The following NRF1 variants were observed in gnomAD, a reference collection of about 807,000 sequenced individuals.
The protein encoded by NRF1 is nuclear respiratory factor 1.
Under a neutral mutation model 58.5 loss-of-function variants are expected in NRF1, and 5 were observed. That is an observed-to-expected ratio of 0.09 (90% confidence interval 0.04 to 0.18). NRF1 has a LOEUF of 0.18. Among genes scored for constraint, NRF1 ranks in the 10% least tolerant of loss-of-function variants. The probability of loss-of-function intolerance (pLI) is 1.00; values close to 1 mark genes in which losing one functional copy is unlikely to be tolerated. For synonymous variants in NRF1, 224 were observed against 246.7 expected (o/e 0.91, Z 0.86); for missense variants, 288 against 657.7 (o/e 0.44, Z 6.15).
chr7:129,706,770 C>A (rs1278162685), intron 5 of NRF1, among the ~76,000 whole-genome samples: 2 of 152,082 alleles, frequency 1.3e-5, no homozygotes, highest in Non-Finnish European at 1.5e-5. Context: ...TGACCCAGAA[C>A]TGAGGAGCAT....
At position 129,755,806 on chromosome 7, in the gene NRF1, C is replaced by G. The variant is rs934899344; in HGVS notation, c.*625C>G. 6.6e-6 allele frequency: 1 copy of G among 152,662 alleles called. No homozygotes were observed. Among genetic ancestry groups the G allele is most frequent in the African/African-American group, 2.4e-5 (1 of 41,418 alleles). 9.5% of individuals were successfully genotyped at this position (152,662 alleles called of 1,614,324 possible). Reference sequence around the variant, plus strand: ...CTGGACTCACCTGAGGAAAGAGGCTCCAGCATGGGGTGGGTCAGAGATGTG... The same window carrying G: ...CTGGACTCACCTGAGGAAAGAGGCTGCAGCATGGGGTGGGTCAGAGATGTG... On this transcript the variant is annotated 3_prime_UTR_variant, in exon 11 of 11. Transcript: ENST00000393232. The surrounding 1 kb of genome is among the most constrained non-coding windows in gnomAD (Gnocchi z 5.8).
chr7:129,622,317 A>G (rs75055472), intron 1 of NRF1, among the ~76,000 whole-genome samples: 4,001 of 152,230 alleles, frequency 0.026, 62 homozygotes, highest in Middle Eastern at 0.075. Flanking sequence ...CAAGTTACTT[A>G]TCTTTACTGG....
chr7:129,614,552 A>G (rs1391741109), intron 1 of NRF1, among the ~76,000 whole-genome samples: 1 of 151,642 alleles, frequency 6.6e-6, no homozygotes, highest in African/African-American at 2.4e-5. Context: ...CCTGGGCTCA[A>G]GGAATGCACC....
In NRF1 at chr7:129,618,656, C is replaced by G. The variant is rs146793702; in HGVS notation, c.-7+6832C>G. The stretch of plus-strand genomic sequence containing the variant: ...GCTGTAGCAAGCTATGATAGGGCCA[C>G]TGCACTCCAGCTTGGGTGTCAGTGT... On this transcript the variant is annotated intron_variant, in intron 1 of 10. Transcript: ENST00000393232. Among the ~76,000 whole-genome samples, 339 of 152,238 alleles carry G rather than the reference C, an allele frequency of 2.2e-3. 3 individuals carry two copies. The highest frequency in any genetic ancestry group is 7.4e-3 in the African/African-American group (308 of 41,528).
At chr7:129,642,756 AATTTTTT>A (rs1319601467) in intron 1 of NRF1, among the ~76,000 whole-genome samples, 2 of 131,682 alleles carry the variant, frequency 1.5e-5, no homozygotes, top group Admixed American at 9.0e-5. Flanking sequence ...TTCTTTAAAA[AATTTTTT>A]TTTTTTTTTT....
intron 10 of NRF1, among the ~76,000 whole-genome samples, chr7:129,734,655 T>C (rs948563387): frequency 6.6e-6 from 1 of 152,216 alleles, no homozygotes; most frequent in African/African-American, 2.4e-5. Context: ...CAGGTCTGTA[T>C]GCTTCTCCGG....
At chr7:129,691,364 A>ATTTTTTT (rs35512508) in intron 5 of NRF1, among the ~76,000 whole-genome samples, 2 of 134,168 alleles carry the variant, frequency 1.5e-5, no homozygotes, top group Non-Finnish European at 3.1e-5. Flanking sequence ...TATTATTATT[A>ATTTTTTT]TTTTTTTTTT....
At position 129,724,661 on chromosome 7, in the gene NRF1, A is replaced by G. The variant is rs531276593; in HGVS notation, c.1224-2580A>G. Among the ~76,000 whole-genome samples the G allele has an allele frequency of 7.0e-4, 107 of 152,364 alleles. 3 individuals carry two copies. The South Asian group carries it at 8.5e-3, about 12-fold the overall frequency. ...TCATCGACAGATGAATGGATACACAATGGAATATTATTCGGCCTTTAAAAG... is the reference window on the plus strand; with the variant it reads ...TCATCGACAGATGAATGGATACACAGTGGAATATTATTCGGCCTTTAAAAG... On this transcript the variant is annotated intron_variant, in intron 9 of 10. Coordinates refer to ENST00000393232, the MANE Select transcript of NRF1 (RefSeq NM_005011.5).
intron 2 of NRF1, among the ~76,000 whole-genome samples, chr7:129,660,356 A>G (rs1361531276): frequency 6.6e-6 from 1 of 150,696 alleles, no homozygotes; most frequent in East Asian, 1.9e-4. Flanking sequence ...ACAGTCCCCC[A>G]AAGTCTTAAC....
At chr7:129,660,630 C>T (rs1018748886) in intron 2 of NRF1, among the ~76,000 whole-genome samples, 1 of 150,974 alleles carries the variant, frequency 6.6e-6, no homozygotes, top group Non-Finnish European at 1.5e-5. Context: ...CCATGTCTCA[C>T]ATCCAGGTCA....
At chr7:129,700,744 C>T (rs984840257) in intron 5 of NRF1, among the ~76,000 whole-genome samples, 1 of 152,084 alleles carries the variant, frequency 6.6e-6, no homozygotes, top group African/African-American at 2.4e-5. Flanking sequence ...ACAGCAAGAC[C>T]TCATCTCTAC....
Position 129,717,353 on chromosome 7 carries a change from T to C in NRF1, c.1200T>C (p.Ala400=). Residue 400 remains alanine (A), a synonymous_variant, in exon 9 of 11, where the codon GCT becomes GCC. Transcript: ENST00000393232. The part of the protein sequence containing the change: ...VAASQEMQQG[A]TVTMALNSEA... ...CTTCTCAGGAGATGCAGCAGGGAGC[T>C]ACAGTCACTATGGCGCTTAACAGGT... 6.2e-7 allele frequency: 1 copy of C among 1,612,792 alleles called. No homozygotes were observed. Among genetic ancestry groups the C allele is most frequent in the Non-Finnish European group, 8.5e-7 (1 of 1,179,614 alleles).
chr7:129,709,717 TTTC>T (rs1211775101), intron 6 of NRF1, among the ~76,000 whole-genome samples: 1 of 148,666 alleles, frequency 6.7e-6, no homozygotes, highest in African/African-American at 2.5e-5. Flanking sequence ...TTTCTTTTTC[TTTC>T]TTTTCTTTCT....
At chr7:129,751,226 T>G (rs1355765991) in intron 10 of NRF1, among the ~76,000 whole-genome samples, 2 of 152,044 alleles carry the variant, frequency 1.3e-5, no homozygotes, top group Non-Finnish European at 2.9e-5. Context: ...GTGAAGTGAG[T>G]GGGGATTAGT....
chr7:129,656,821 C>T (rs1801668273), intron 1 of NRF1, among the ~76,000 whole-genome samples: 1 of 152,216 alleles, frequency 6.6e-6, no homozygotes, highest in East Asian at 1.9e-4. Context: ...AGATGATCCA[C>T]CTGCCTGGGC....
chr7:129,636,114 CAT>C (rs774016650), intron 1 of NRF1, among the ~76,000 whole-genome samples: 10 of 152,120 alleles, frequency 6.6e-5, no homozygotes, highest in Non-Finnish European at 1.3e-4. Context: ...TGTTGCTTGT[CAT>C]GTGATACTTT....
chr7:129,670,021 A>T (rs531796549), intron 2 of NRF1, among the ~76,000 whole-genome samples: 1 of 152,260 alleles, frequency 6.6e-6, no homozygotes, highest in Non-Finnish European at 1.5e-5. Flanking sequence ...TAAAAACACA[A>T]GGAAATGCTG....
intron 10 of NRF1, among the ~76,000 whole-genome samples, chr7:129,754,424 C>T (rs1804198625): frequency 7.4e-6 from 1 of 134,300 alleles, no homozygotes; most frequent in African/African-American, 2.9e-5. Flanking sequence ...GGTCACGCCA[C>T]TGCACTCCAG....
chr7:129,735,280 C>G, intron 10 of NRF1: 3 of 980,458 alleles, frequency 3.1e-6, no homozygotes, highest in Non-Finnish European at 3.6e-6. Context: ...GCCTGTAATC[C>G]CAGCACTTTG....
Sources: allele counts gnomAD v4.1 joint callset (sites outside exome capture counted in the v4.1 genomes callset), GRCh38; gene constraint gnomAD v4.1.1; non-coding constraint Gnocchi (gnomAD v3.1); transcripts MANE v1.5; gene names NCBI Gene and HGNC (gene_info 2026-07-23, HGNC 2026-07-21).